The following RBBP5 variants were observed in gnomAD, a reference collection of about 807,000 sequenced individuals.
The protein encoded by RBBP5 is RB binding protein 5, histone lysine methyltransferase complex subunit, also known as retinoblastoma-binding protein 5.
Under a neutral mutation model 72.2 loss-of-function variants are expected in RBBP5, and 5 were observed. That is an observed-to-expected ratio of 0.07 (90% CI 0.04 to 0.15). The LOEUF is 0.15. Among genes scored for constraint, RBBP5 ranks in the 10% least tolerant of loss-of-function variants. The probability of loss-of-function intolerance (pLI) is 1.00; values close to 1 mark genes in which losing one functional copy is unlikely to be tolerated. For missense variants in RBBP5, 322 were observed against 652.2 expected (o/e 0.49, Z 5.51); for synonymous variants, 209 against 237.2 (o/e 0.88, Z 1.09).
In RBBP5 at chr1:205,093,533, T is replaced by TAC. The variant is rs372536310; in HGVS notation, c.1588+1338_1588+1339dup. Among the ~76,000 whole-genome samples, 38 of 4,870 alleles carry TAC rather than the reference T, an allele frequency of 7.8e-3. 3 individuals carry two copies. Among genetic ancestry groups the TAC allele is most frequent in the Middle Eastern group, 0.17 (1 of 6 alleles). The allele number at this position is 4,870 out of a possible 152,430, so 3.2% of individuals were successfully genotyped here. On this transcript the variant is annotated intron_variant, in intron 13 of 13. Coordinates refer to ENST00000264515, the MANE Select transcript of RBBP5 (RefSeq NM_005057.4). ...ATATATATATATATATATATATATA[T>TAC]ACACACACACACACACACACACACA...
chr1:205,106,849 A>C (rs1656084791), intron 3 of RBBP5, among the ~76,000 whole-genome samples: 1 of 152,212 alleles, frequency 6.6e-6, no homozygotes, highest in African/African-American at 2.4e-5. Flanking sequence ...AAGCCCAGAA[A>C]ATCTTAGCAA....
chr1:205,104,063 C>T (rs1655952385), intron 4 of RBBP5, 44 bp from the exon 5 acceptor site: 4 of 1,583,866 alleles, frequency 2.5e-6, no homozygotes, highest in Non-Finnish European at 1.7e-6. Context: ...GCTTTGGTAT[C>T]AGCAAGCTGA....
At chr1:205,094,300 C>A (rs1655528608) in intron 13 of RBBP5, among the ~76,000 whole-genome samples, 1 of 152,214 alleles carries the variant, frequency 6.6e-6, no homozygotes, top group South Asian at 2.1e-4. Flanking sequence ...CAAACCCCAT[C>A]TTCTTCCTTA....
At chr1:205,120,990 G>A (rs952041771) in intron 1 of RBBP5, among the ~76,000 whole-genome samples, 1 of 152,170 alleles carries the variant, frequency 6.6e-6, no homozygotes. Context: ...CCTGCTTAAT[G>A]AAAAGCTCTT....
At position 205,092,432 on chromosome 1, in the gene RBBP5, A is replaced by G. The variant is rs562732436; in HGVS notation, c.1588+2441T>C. Among the ~76,000 whole-genome samples the G allele has an allele frequency of 2.6e-5, 4 of 151,776 alleles. No homozygotes were observed. In the South Asian group the frequency reaches 8.3e-4, roughly 32 times the overall value. On this transcript the variant is annotated intron_variant, in intron 13 of 13. Coordinates refer to ENST00000264515, the MANE Select transcript of RBBP5 (RefSeq NM_005057.4). ...CCCAAGTGCTGGGATTACAGGTGTGAGCCATTGCACCTGGCTGGTTTTATT... is the reference window on the plus strand; with the variant it reads ...CCCAAGTGCTGGGATTACAGGTGTGGGCCATTGCACCTGGCTGGTTTTATT...
In RBBP5 at chr1:205,093,458, C is replaced by CCAAAAAAAAAAAAAAAAA. The variant is rs1553352080; in HGVS notation, c.1588+1414_1588+1415insTTTTTTTTTTTTTTTTTG. Among the ~76,000 whole-genome samples, 52 of 18,326 alleles carry CCAAAAAAAAAAAAAAAAA rather than the reference C, an allele frequency of 2.8e-3. 19 individuals are homozygous for CCAAAAAAAAAAAAAAAAA. Among genetic ancestry groups the CCAAAAAAAAAAAAAAAAA allele is most frequent in the Non-Finnish European group, 3.1e-3 (40 of 12,992 alleles). 12.0% of individuals were successfully genotyped at this position (18,326 alleles called of 152,430 possible). ...TGGGGACAAGAGTGAAACTCCGTTTCAAAAAAAAAAAAAAAAAAAAAATAT... is the reference window on the plus strand; with the variant it reads ...TGGGGACAAGAGTGAAACTCCGTTTCCAAAAAAAAAAAAAAAAAAAAAAAAAAAAAAAAAAAAAAATAT... On this transcript the variant is annotated intron_variant, in intron 13 of 13. Transcript: ENST00000264515.
At chr1:205,121,423 CAGA>C (rs1235626909) in intron 1 of RBBP5, among the ~76,000 whole-genome samples, 1 of 152,164 alleles carries the variant, frequency 6.6e-6, no homozygotes, top group Non-Finnish European at 1.5e-5. Flanking sequence ...AAGCTTCTAC[CAGA>C]AGATCTCCAA....
chr1:205,107,087 T>TATAC (rs1553354327), intron 3 of RBBP5, among the ~76,000 whole-genome samples: 66 of 149,976 alleles, frequency 4.4e-4, no homozygotes, highest in African/African-American at 1.1e-3. Flanking sequence ...TATATATATA[T>TATAC]ACACACACAC....
rs1655430442 is a variant in RBBP5 at position 205,093,388 on chromosome 1, G to A, written c.1588+1485C>T. 2.1e-5 allele frequency among the ~76,000 whole-genome samples: 3 copies of A among 146,082 alleles called. No homozygotes were observed. The Admixed American group carries it at 2.1e-4, about 10-fold the overall frequency. On this transcript the variant is annotated intron_variant, in intron 13 of 13. Transcript: ENST00000264515. The stretch of plus-strand genomic sequence containing the variant: ...GGCAAGAGAATCACTTGAACCAGGA[G>A]GCAGAGGTTGCAGTGAGCTGAGATC...
chr1:205,096,766 T>C lies in RBBP5; in HGVS notation c.1312A>G (p.Arg438Gly). 6.2e-6 allele frequency: 10 copies of C among 1,614,204 alleles called. No homozygotes were observed. The highest frequency in any genetic ancestry group is 8.5e-6 in the Non-Finnish European group (10 of 1,180,036). ...TGGGACCCATCTGCTGAGGACTGCC[T>C]CTTCTTCTCTGAACTAGCCCCTTCA... is the stretch of plus-strand genomic sequence containing the variant. ...MDEGASSEKK[R>G]QSSADGSQPP... is the part of the protein sequence containing the mutation. Residue 438 changes from arginine to glycine, a missense_variant, in exon 12 of 14, where the codon AGG becomes GGG. By Grantham distance (125) the Arg-to-Gly change is moderately radical (BLOSUM62 -2). Transcript: ENST00000264515.
At chr1:205,111,211 T>A (rs889712878) in intron 3 of RBBP5, among the ~76,000 whole-genome samples, 1 of 152,268 alleles carries the variant, frequency 6.6e-6, no homozygotes, top group African/African-American at 2.4e-5. Context: ...AAGTCTACTG[T>A]AATGAGAACT....
intron 13 of RBBP5, among the ~76,000 whole-genome samples, 179 bp downstream of exon 13, chr1:205,094,694 T>C (rs1395446035): frequency 6.6e-6 from 1 of 152,222 alleles, no homozygotes; most frequent in Non-Finnish European, 1.5e-5. Context: ...TAAGAGCCAC[T>C]GAATTAAGCC....
intron 13 of RBBP5, among the ~76,000 whole-genome samples, chr1:205,090,079 C>A (rs1655283620): frequency 6.6e-6 from 1 of 152,176 alleles, no homozygotes; most frequent in Non-Finnish European, 1.5e-5. Flanking sequence ...GGCTTGAACT[C>A]CTGTCCTCGA....
rs769596928 is a variant in RBBP5, at chr1:205,099,404, T to C, written c.979-298A>G. ...CTTGTAAGTACACTGATTACAAACA[T>C]AATTTAAAGGTGTTCAAAGTAAAAT... On this transcript the variant is annotated intron_variant, in intron 9 of 13. Transcript: ENST00000264515. The surrounding 1 kb of genome is among the most constrained non-coding windows in gnomAD (Gnocchi z 4.7). Among the ~76,000 whole-genome samples, 1 of 152,142 alleles carries C rather than the reference T, an allele frequency of 6.6e-6. No individual in the cohort carries two copies. Among genetic ancestry groups the C allele is most frequent in the African/African-American group, 2.4e-5 (1 of 41,438 alleles).
At chr1:205,105,226 T>C in intron 3 of RBBP5, 58 bp from the exon 4 acceptor site, 2 of 1,557,456 alleles carry the variant, frequency 1.3e-6, no homozygotes, top group Non-Finnish European at 1.7e-6. Context: ...ACCACTCTCA[T>C]GAATAAACTG....
Position 205,121,949 on chromosome 1 carries a change from C to G in RBBP5, c.-76G>C, listed in dbSNP as rs570381758. 3.8e-5 allele frequency: 60 copies of G among 1,598,186 alleles called. No individual in the cohort carries two copies. In the East Asian group the frequency reaches 1.3e-3, roughly 35 times the overall value. ...CCCGGCCGGCTTCAGCAACTTGCGT[C>G]TAAGTGGTGGACGCCGCGAAGAGAC... On this transcript the variant is annotated 5_prime_UTR_variant, in exon 1 of 14. Coordinates refer to ENST00000264515, the MANE Select transcript of RBBP5 (RefSeq NM_005057.4).
At chr1:205,094,261 A>T (rs1390501226) in intron 13 of RBBP5, among the ~76,000 whole-genome samples, 1 of 152,176 alleles carries the variant, frequency 6.6e-6, no homozygotes, top group African/African-American at 2.4e-5. Flanking sequence ...TCCTGTTTTC[A>T]GATATTGGAA....
In RBBP5 at chr1:205,086,261, G is replaced by T. The variant is rs1462118726; in HGVS notation, c.*2526C>A. On this transcript the variant is annotated 3_prime_UTR_variant, in exon 14 of 14. Transcript: ENST00000264515. ...TTTTTTTTTTTTTTTTTTTGAGATG[G>T]AGTCTTGCTCTGTCACCCAGGCTGG... The T allele has an allele frequency of 7.0e-6, 1 of 142,114 alleles. No homozygotes were observed. Among genetic ancestry groups the T allele is most frequent in the African/African-American group, 2.7e-5 (1 of 37,648 alleles). The allele number at this position is 142,114 out of a possible 1,614,324, so 8.8% of individuals were successfully genotyped here.
At chr1:205,121,818 C>G in intron 1 of RBBP5, 37 bp downstream of exon 1, 1 of 1,612,146 alleles carries the variant, frequency 6.2e-7, no homozygotes, top group East Asian at 2.2e-5. Context: ...TTCCAGTACC[C>G]AACGCTTCTC....
Sources: gnomAD v4.1 joint callset for allele counts (sites outside exome capture counted in the v4.1 genomes callset) on GRCh38, gnomAD v4.1.1 for gene constraint, Gnocchi (gnomAD v3.1) non-coding constraint, MANE v1.5 for transcripts, NCBI Gene and HGNC (gene_info 2026-07-23, HGNC 2026-07-21) for gene names.